GLRA1: variants seen among roughly 807,000 people sequenced by gnomAD.
The protein encoded by GLRA1 is glycine receptor alpha 1.
A neutral mutation model predicts 48.3 loss-of-function variants in GLRA1; 37 were observed. That is an observed-to-expected ratio of 0.77 (90% confidence interval 0.59 to 1.01). The LOEUF (loss-of-function observed/expected upper bound fraction) is 1.01, where lower values mean the gene tolerates loss of function less well. Ranked by LOEUF, GLRA1 falls within the 50% of genes least tolerant of loss-of-function variation. GLRA1 has a pLI of 0.00. For missense variants in GLRA1, 427 were observed against 571.0 expected, an observed-to-expected ratio of 0.75 and a Z score of 2.57; for synonymous variants, 196 against 210.7, an observed-to-expected ratio of 0.93 and a Z score of 0.60.
chr5:151,915,690 T>G (rs1427831369), intron 1 of GLRA1, among the ~76,000 whole-genome samples: 1 of 147,866 alleles, frequency 6.8e-6, no homozygotes, highest in East Asian at 1.9e-4. Flanking sequence ...GTTATATACA[T>G]GTGTGTATGT....
chr5:151,875,101 A>C (rs1441415321), intron 3 of GLRA1, among the ~76,000 whole-genome samples: 2 of 152,106 alleles, frequency 1.3e-5, no homozygotes, highest in African/African-American at 2.4e-5. Flanking sequence ...TGATCCCAGG[A>C]TAGGTTGACT....
intron 3 of GLRA1, among the ~76,000 whole-genome samples, chr5:151,885,953 C>T (rs150788933): frequency 1.3e-4 from 20 of 152,018 alleles, no homozygotes; most frequent in East Asian, 1.2e-3. Flanking sequence ...AGATTAGGGG[C>T]GGGTGGATGT....
At chr5:151,877,340 G>A (rs1753650574) in intron 3 of GLRA1, among the ~76,000 whole-genome samples, 1 of 152,158 alleles carries the variant, frequency 6.6e-6, no homozygotes, top group South Asian at 2.1e-4. Context: ...AGATTTTGGG[G>A]ATTTGTTAAT....
chr5:151,848,514 G>A (rs1287276083), intron 7 of GLRA1, among the ~76,000 whole-genome samples: 4 of 152,116 alleles, frequency 2.6e-5, no homozygotes, highest in African/African-American at 7.2e-5. Context: ...TTACAAGCGC[G>A]GGCCACCATG....
At chr5:151,909,149 T>G (rs146167894) in intron 1 of GLRA1, among the ~76,000 whole-genome samples, 1 of 152,298 alleles carries the variant, frequency 6.6e-6, no homozygotes, top group East Asian at 1.9e-4. Flanking sequence ...ATTATAAATA[T>G]TATTTAGAGG....
At chr5:151,851,941 T>G (rs1295505747) in intron 6 of GLRA1, among the ~76,000 whole-genome samples, 1 of 152,166 alleles carries the variant, frequency 6.6e-6, no homozygotes, top group Admixed American at 6.6e-5. Flanking sequence ...ATCATCAATA[T>G]TTTCTTGCTA....
intron 1 of GLRA1, among the ~76,000 whole-genome samples, chr5:151,921,926 C>G (rs1221697356): frequency 1.3e-5 from 2 of 152,116 alleles, no homozygotes; most frequent in South Asian, 2.1e-4. Flanking sequence ...CTTCCAGGAC[C>G]CCATGTTTCC....
chr5:151,828,884 C>T (rs775228858), intron 8 of GLRA1, 37 bp downstream of exon 8: 44 of 1,598,288 alleles, frequency 2.8e-5, no homozygotes, highest in Admixed American at 5.1e-5. Flanking sequence ...TGTTTACTAA[C>T]AGCTGTCCCT....
chr5:151,854,555 TAG>T lies in GLRA1; in HGVS notation c.697+483_697+484del, dbSNP rs201605452. Among the ~76,000 whole-genome samples, 872 of 152,328 alleles carry T rather than the reference TAG, an allele frequency of 5.7e-3. 12 individuals are homozygous for T. Among genetic ancestry groups the T allele is most frequent in the African/African-American group, 0.02 (843 of 41,578 alleles). On this transcript the variant is annotated intron_variant, in intron 6 of 8. Transcript: ENST00000274576. Reference sequence around the variant, plus strand: ...AATCTTCCAACAAAAGCATGGGAAATAGAGAGCTAAGCTACACCATCGTGGCT... The same window carrying T: ...AATCTTCCAACAAAAGCATGGGAAATAGAGCTAAGCTACACCATCGTGGCT...
intron 3 of GLRA1, among the ~76,000 whole-genome samples, chr5:151,876,222 C>T (rs1397544423): frequency 6.6e-6 from 1 of 152,186 alleles, no homozygotes; most frequent in Non-Finnish European, 1.5e-5. Flanking sequence ...CTGGATGACA[C>T]TTTCTTTTCT....
intron 1 of GLRA1, among the ~76,000 whole-genome samples, chr5:151,922,797 C>T (rs2113469293): frequency 6.6e-6 from 1 of 152,250 alleles, no homozygotes; most frequent in Middle Eastern, 3.4e-3. Flanking sequence ...GCATACTGCT[C>T]ATCAAGAAAA....
chr5:151,901,701 G>A (rs1754371916), intron 1 of GLRA1, among the ~76,000 whole-genome samples: 1 of 152,196 alleles, frequency 6.6e-6, no homozygotes, highest in Non-Finnish European at 1.5e-5. Context: ...TGGGAGTATA[G>A]ATATTGAGGA....
Position 151,859,856 on chromosome 5 carries a change from G to T in GLRA1, c.405C>A (p.His135Gln), listed in dbSNP as rs1195361809. Residue 135 changes from histidine (H) to glutamine (Q), a missense_variant, in exon 4 of 9, where the codon CAC (histidine) becomes CAA (glutamine). His to Gln is a conservative substitution (Grantham distance 24). This residue lies in a region of GLRA1 where 271 missense variants were observed against 434.9 expected (regional missense o/e 0.62). Transcript: ENST00000274576. Reference protein sequence around the residue: ...DLFFANEKGAHFHEITTDNKL... With the variant: ...DLFFANEKGAQFHEITTDNKL... Reference sequence around the variant, plus strand: ...TGTTGTCTGTGGTGATCTCATGGAAGTGGGCCCCCTTCTCGTTGGCAAAGA... The same window carrying T: ...TGTTGTCTGTGGTGATCTCATGGAATTGGGCCCCCTTCTCGTTGGCAAAGA... 1 of 1,614,016 alleles carries T rather than the reference G, an allele frequency of 6.2e-7. No individual in the cohort carries two copies. Among genetic ancestry groups the T allele is most frequent in the Admixed American group, 1.7e-5 (1 of 59,990 alleles).
At chr5:151,836,167 TAGAC>T (rs547228014) in intron 7 of GLRA1, among the ~76,000 whole-genome samples, 113 of 151,430 alleles carry the variant, frequency 7.5e-4, no homozygotes, top group East Asian at 3.3e-3. Flanking sequence ...ACACCAATAA[TAGAC>T]AGAGACCCAA....
At chr5:151,886,458 G>A (rs2113406729) in intron 3 of GLRA1, among the ~76,000 whole-genome samples, 1 of 152,284 alleles carries the variant, frequency 6.6e-6, no homozygotes, top group East Asian at 1.9e-4. Flanking sequence ...AATTTGACTT[G>A]TTGTATAATT....
chr5:151,875,220 G>A (rs539396070), intron 3 of GLRA1, among the ~76,000 whole-genome samples: 1 of 152,222 alleles, frequency 6.6e-6, no homozygotes, highest in Admixed American at 6.5e-5. Flanking sequence ...GCCCAGGTTG[G>A]AGTACAGTGG....
intron 1 of GLRA1, among the ~76,000 whole-genome samples, chr5:151,911,548 C>G (rs1754607706): frequency 1.3e-5 from 2 of 149,886 alleles, no homozygotes; most frequent in Non-Finnish European, 3.0e-5. Flanking sequence ...ATACACATAG[C>G]AAGTAGTATA....
chr5:151,885,724 G>C (rs1275430792), intron 3 of GLRA1, among the ~76,000 whole-genome samples: 1 of 152,172 alleles, frequency 6.6e-6, no homozygotes, highest in Non-Finnish European at 1.5e-5. Context: ...ATGAAGCAGG[G>C]TGAATCACAG....
chr5:151,867,715 G>A (rs1476862125), intron 3 of GLRA1, among the ~76,000 whole-genome samples: 2 of 152,200 alleles, frequency 1.3e-5, no homozygotes, highest in Non-Finnish European at 2.9e-5. Context: ...GATTTACACA[G>A]TTAGGAAAGA....
Sources: allele counts gnomAD v4.1 joint callset (sites outside exome capture counted in the v4.1 genomes callset), GRCh38; gene constraint gnomAD v4.1.1; regional missense constraint gnomAD v4.1.1; transcripts MANE v1.5; gene names NCBI Gene and HGNC (gene_info 2026-07-23, HGNC 2026-07-21).